Variants in BANK1 observed in about 807,000 individuals in gnomAD.
BANK1 encodes B cell scaffold protein with ankyrin repeats 1.
BANK1 carries 95 observed loss-of-function variants against 94.5 expected under a neutral mutation model. The ratio of observed to expected loss-of-function variants is 1.00; its 90% CI spans 0.85 to 1.19. BANK1 has a LOEUF of 1.19. BANK1 is among the 50% of genes most tolerant of loss of function. The pLI, the probability that BANK1 is intolerant of heterozygous loss-of-function variation, is 0.00. For missense variants in BANK1, 987 were observed against 932.2 expected (o/e 1.06, Z -0.77); for synonymous variants, 334 against 308.4 (o/e 1.08, Z -0.87).
chr4:101,979,335 G>A (rs1725247553), intron 7 of BANK1, among the ~76,000 whole-genome samples: 1 of 151,852 alleles, frequency 6.6e-6, no homozygotes, highest in Non-Finnish European at 1.5e-5. Flanking sequence ...AATTATTCCA[G>A]TGGAAACCAA....
intron 8 of BANK1, among the ~76,000 whole-genome samples, chr4:102,024,643 A>C (rs1338057729): frequency 1.3e-5 from 2 of 152,088 alleles, no homozygotes; most frequent in Non-Finnish European, 2.9e-5. Context: ...TTCACCAAAA[A>C]AAAATTAACT....
In BANK1 at chr4:102,030,034, G is replaced by A. The variant is rs2148950537; in HGVS notation, c.1669G>A (p.Glu557Lys). Residue 557 changes from glutamate (E) to lysine (K), a missense_variant, in exon 10 of 17, where the codon GAA becomes AAA. Glu to Lys is a moderately conservative substitution (Grantham distance 56). Coordinates refer to ENST00000322953, the MANE Select transcript of BANK1 (RefSeq NM_017935.5). Reference sequence around the variant, plus strand: ...TGGTGTTAGACAAGAAACAGGAGATGAACCCAAAGGAGAAAAAGAGAAGAA... The same window carrying A: ...TGGTGTTAGACAAGAAACAGGAGATAAACCCAAAGGAGAAAAAGAGAAGAA... ...HPGVRQETGD[E>K]PKGEKEKKEE... 1 of 1,613,852 alleles carries A rather than the reference G, an allele frequency of 6.2e-7. No individual in the cohort carries two copies. The highest frequency in any genetic ancestry group is 2.2e-5 in the East Asian group (1 of 44,872).
intron 6 of BANK1, among the ~76,000 whole-genome samples, chr4:101,912,859 T>C (rs1469380679): frequency 6.6e-6 from 1 of 152,116 alleles, no homozygotes; most frequent in African/African-American, 2.4e-5. Context: ...TATCAAATCA[T>C]TTAATATTTT....
chr4:101,900,270 T>C (rs1010339612), intron 6 of BANK1, among the ~76,000 whole-genome samples: 1 of 152,090 alleles, frequency 6.6e-6, no homozygotes, highest in African/African-American at 2.4e-5. Context: ...AACAGAGTAA[T>C]AAAACAGTAG....
chr4:101,936,448 G>A (rs2631253), intron 7 of BANK1, among the ~76,000 whole-genome samples: 121,731 of 149,794 alleles, frequency 0.81, 49,958 homozygotes, highest in Non-Finnish European at 0.88. Flanking sequence ...ATACATGTTT[G>A]CATATACTTT....
chr4:101,913,937 T>C (rs1722747368), intron 6 of BANK1, among the ~76,000 whole-genome samples: 1 of 152,188 alleles, frequency 6.6e-6, no homozygotes, highest in African/African-American at 2.4e-5. Context: ...GACAGAATAT[T>C]GACATTCTAG....
chr4:101,905,371 C>T (rs1722414958), intron 6 of BANK1, among the ~76,000 whole-genome samples: 2 of 152,214 alleles, frequency 1.3e-5, no homozygotes, highest in South Asian at 2.1e-4. Context: ...TGCACGGGAG[C>T]GAGGGAATGG....
intron 7 of BANK1, among the ~76,000 whole-genome samples, chr4:101,956,390 C>T (rs547537199): frequency 2.0e-5 from 3 of 152,080 alleles, no homozygotes; most frequent in South Asian, 2.1e-4. Context: ...GTAATACTAC[C>T]CCATTTTGTG....
chr4:101,936,369 A>G (rs1005509850), intron 7 of BANK1, among the ~76,000 whole-genome samples: 14 of 150,102 alleles, frequency 9.3e-5, no homozygotes, highest in Admixed American at 2.0e-4. Context: ...ACATGCATAT[A>G]TGTGTGCATA....
chr4:102,056,621 T>C (rs6532985), intron 11 of BANK1, among the ~76,000 whole-genome samples: 5,510 of 151,780 alleles, frequency 0.036, 350 homozygotes, highest in African/African-American at 0.13. Context: ...AGTATAATAA[T>C]GAGTGGCAGT....
At chr4:101,981,332 T>C (rs192545642) in intron 7 of BANK1, among the ~76,000 whole-genome samples, 2 of 152,260 alleles carry the variant, frequency 1.3e-5, no homozygotes, top group Non-Finnish European at 2.9e-5. Context: ...GAGAGAGGAA[T>C]ATTCTTTTTC....
At chr4:102,016,974 G>A (rs1226527894) in intron 7 of BANK1, among the ~76,000 whole-genome samples, 1 of 151,996 alleles carries the variant, frequency 6.6e-6, no homozygotes, top group Non-Finnish European at 1.5e-5. Flanking sequence ...ATGAAACCCA[G>A]GAAAAGCAAA....
intron 6 of BANK1, among the ~76,000 whole-genome samples, chr4:101,900,304 T>C (rs985903162): frequency 6.6e-6 from 1 of 152,052 alleles, no homozygotes; most frequent in African/African-American, 2.4e-5. Context: ...CCATTGCAAA[T>C]AGTGATAAGG....
At chr4:101,847,277 G>A (rs1261246775) in intron 2 of BANK1, among the ~76,000 whole-genome samples, 1 of 151,778 alleles carries the variant, frequency 6.6e-6, no homozygotes, top group East Asian at 1.9e-4. Flanking sequence ...ACTAAGAATA[G>A]TACTGGCACA....
chr4:101,844,254 T>C (rs1727165080), intron 2 of BANK1, among the ~76,000 whole-genome samples: 1 of 152,136 alleles, frequency 6.6e-6, no homozygotes. Context: ...AAGTGGGAGA[T>C]AGGAAGGATC....
chr4:102,067,806 A>G (rs13112324), intron 13 of BANK1, among the ~76,000 whole-genome samples: 15,751 of 152,072 alleles, frequency 0.1, 1,158 homozygotes, highest in East Asian at 0.23. Flanking sequence ...ACTTGACCCA[A>G]TTGACATTTA....
intron 10 of BANK1, among the ~76,000 whole-genome samples, chr4:102,043,471 T>G (rs534606996): frequency 6.6e-6 from 1 of 152,198 alleles, no homozygotes; most frequent in Non-Finnish European, 1.5e-5. Flanking sequence ...CATCAAAAAG[T>G]CAGCATGGGT....
intron 1 of BANK1, among the ~76,000 whole-genome samples, chr4:101,816,558 T>C (rs1725924162): frequency 1.8e-5 from 1 of 55,690 alleles, no homozygotes; most frequent in Admixed American, 1.4e-4. Flanking sequence ...GCCATGCTTC[T>C]TTTTTTTTTT....
chr4:101,846,571 A>G (rs1349209409), intron 2 of BANK1, among the ~76,000 whole-genome samples: 2 of 152,228 alleles, frequency 1.3e-5, no homozygotes, highest in Non-Finnish European at 2.9e-5. Flanking sequence ...ACAGTTCTGC[A>G]TGGCCAAGAA....
Sources: allele counts gnomAD v4.1 joint callset (sites outside exome capture counted in the v4.1 genomes callset), GRCh38; gene constraint gnomAD v4.1.1; transcripts MANE v1.5; gene names NCBI Gene and HGNC (gene_info 2026-07-23, HGNC 2026-07-21).